Variants in PGD observed in about 807,000 individuals in gnomAD.
PGD encodes 6-phosphogluconate dehydrogenase, decarboxylating.
PGD carries 21 observed loss-of-function variants against 60.4 expected under a neutral mutation model. The observed-to-expected ratio is 0.35, with a 90% confidence interval of 0.25 to 0.50. The LOEUF (loss-of-function observed/expected upper bound fraction) is 0.50. Among genes scored for constraint, PGD ranks in the 20% least tolerant of loss-of-function variants. The pLI, the probability that PGD is intolerant of heterozygous loss-of-function variation, is 0.98. For synonymous variants in PGD, 230 were observed against 235.9 expected (o/e 0.97, Z 0.23); for missense variants, 477 against 613.1 (o/e 0.78, Z 2.34).
Position 10,417,454 on chromosome 1 carries a change from A to C in PGD, c.1054A>C (p.Thr352Pro), listed in dbSNP as rs772090697. The C allele has an allele frequency of 1.2e-6, 2 of 1,613,890 alleles. No homozygotes were observed. The highest frequency in any genetic ancestry group is 1.7e-6 in the Non-Finnish European group (2 of 1,179,916). ...LRQAATEFGW[T>P]LNYGGIALMW... ...GCAGGCAGCCACCGAGTTTGGCTGG[A>C]CTCTCAATTATGGTGGCATCGCCCT... Residue 352 changes from threonine to proline, a missense_variant, in exon 10 of 13, where the codon ACT (threonine) becomes CCT (proline). Physicochemically the swap from Thr to Pro is conservative, Grantham distance 38 (BLOSUM62 -1). This residue lies in a region of PGD where 431 missense variants were observed against 556.6 expected (regional missense o/e 0.77). Transcript: ENST00000270776.
rs1557767675 is a variant in PGD at position 10,419,942 on chromosome 1, C to G, written c.*193C>G. On this transcript the variant is annotated 3_prime_UTR_variant, in exon 13 of 13. Coordinates refer to ENST00000270776, the MANE Select transcript of PGD (RefSeq NM_002631.4). Reference sequence around the variant, plus strand: ...GCCACCATGCCCTCTGCCCTTGCCTCTTGGGACTGACCAGGAGCTGCTCAT... The same window carrying G: ...GCCACCATGCCCTCTGCCCTTGCCTGTTGGGACTGACCAGGAGCTGCTCAT... The G allele has an allele frequency of 1.6e-6, 1 of 625,450 alleles. No individual in the cohort carries two copies. 38.7% of individuals were successfully genotyped at this position (625,450 alleles called of 1,614,324 possible).
At position 10,408,671 on chromosome 1, in the gene PGD, C is replaced by T. The variant is rs558867056; in HGVS notation, c.519+531C>T. Among the ~76,000 whole-genome samples, 10 of 152,314 alleles carry T rather than the reference C, an allele frequency of 6.6e-5. No individual in the cohort carries two copies. In the South Asian group the frequency reaches 1.9e-3, roughly 28 times the overall value. On this transcript the variant is annotated intron_variant, in intron 6 of 12. Transcript: ENST00000270776. ...TAACCTAGTTCATAGTACAGTGGTG[C>T]GATCTTGGCTCACCGCAACCTCCAC...
In PGD at chr1:10,399,069, A is replaced by C; in HGVS notation, c.-49A>C. The C allele has an allele frequency of 3.1e-6, 5 of 1,607,592 alleles. No individual in the cohort carries two copies. In the South Asian group the frequency reaches 4.4e-5, roughly 14 times the overall value. On this transcript the variant is annotated 5_prime_UTR_variant, in exon 1 of 13. Transcript: ENST00000270776. ...GGGAGCCGCTGCGGGTCTTTCCCTC[A>C]CTCGTCCTCCGCGCGTCGCCGCTCT...
intron 8 of PGD, chr1:10,415,216 C>T (rs1302683152): frequency 6.6e-6 from 1 of 152,192 alleles, no homozygotes; most frequent in Non-Finnish European, 1.5e-5. Context: ...CATTGTGCCT[C>T]GCCCTATTGA....
In PGD at chr1:10,399,066, C is replaced by T. The variant is rs1250559145; in HGVS notation, c.-52C>T. 11 of 1,608,028 alleles carry T rather than the reference C, an allele frequency of 6.8e-6. No homozygotes were observed. The highest frequency in any genetic ancestry group is 8.5e-6 in the Non-Finnish European group (10 of 1,179,414). On this transcript the variant is annotated 5_prime_UTR_variant, in exon 1 of 13. Coordinates refer to ENST00000270776, the MANE Select transcript of PGD (RefSeq NM_002631.4). ...GGAGGGAGCCGCTGCGGGTCTTTCC[C>T]TCACTCGTCCTCCGCGCGTCGCCGC...
At chr1:10,406,778 C>CAGCG (rs1233674844) in intron 5 of PGD, among the ~76,000 whole-genome samples, 1 of 152,178 alleles carries the variant, frequency 6.6e-6, no homozygotes, top group Admixed American at 6.5e-5. Context: ...AAGGAATGAA[C>CAGCG]AGCGGCCTTT....
At position 10,413,143 on chromosome 1, in the gene PGD, G is replaced by A. The variant is rs2229688; in HGVS notation, c.736G>A (p.Asp246Asn). Residue 246 changes from aspartate (D) to asparagine (N), a missense_variant, in exon 8 of 13, where the codon GAT becomes AAT. Physicochemically the swap from Asp to Asn is conservative, Grantham distance 23 (BLOSUM62 1). Coordinates refer to ENST00000270776, the MANE Select transcript of PGD (RefSeq NM_002631.4). ...CAATATTCTCAAGTTCCAAGACACC[G>A]ATGGCAAACACCTGCTGCCAAAGAT... The part of the protein sequence containing the change: ...TANILKFQDT[D>N]GKHLLPKIRD... 41,288 of 1,613,848 alleles carry A rather than the reference G, an allele frequency of 0.026. 731 individuals carry two copies. The highest frequency in any genetic ancestry group is 0.084 in the Middle Eastern group (509 of 6,060).
In PGD at chr1:10,399,641, G is replaced by A; in HGVS notation, c.21G>A (p.Ala7=). Residue 7 remains alanine, a synonymous_variant, in exon 2 of 13, where the codon GCG becomes GCA. Coordinates refer to ENST00000270776, the MANE Select transcript of PGD (RefSeq NM_002631.4). Reference sequence around the variant, plus strand: ...TCTGCCTCTCTAGAGCTGACATCGCGCTGATCGGATTGGCCGTCATGGGCC... The same window carrying A: ...TCTGCCTCTCTAGAGCTGACATCGCACTGATCGGATTGGCCGTCATGGGCC... MAQADI[A]LIGLAVMGQN... is the part of the protein sequence containing the mutation. 6.2e-7 allele frequency: 1 copy of A among 1,613,880 alleles called. No individual in the cohort carries two copies. The highest frequency in any genetic ancestry group is 8.5e-7 in the Non-Finnish European group (1 of 1,179,952).
At chr1:10,409,512 C>G (rs1393563574) in intron 6 of PGD, among the ~76,000 whole-genome samples, 1 of 151,966 alleles carries the variant, frequency 6.6e-6, no homozygotes, top group Non-Finnish European at 1.5e-5. Flanking sequence ...TTGGGAGGAT[C>G]CCTTGAGCCC....
rs191798023 is a variant in PGD, at chr1:10,403,914, A to G, written c.331-247A>G. ...TTGGCTTAATTATTTTACTTTGGGG[A>G]TGAGGTAGGTATCGTGAATGTCCAT... On this transcript the variant is annotated intron_variant, in intron 4 of 12. Coordinates refer to ENST00000270776, the MANE Select transcript of PGD (RefSeq NM_002631.4). 1.4e-3 allele frequency among the ~76,000 whole-genome samples: 209 copies of G among 152,236 alleles called. 1 individual carries two copies. Among genetic ancestry groups the G allele is most frequent in the Admixed American group, 2.2e-3 (34 of 15,282 alleles).
chr1:10,417,569 G>T, intron 10 of PGD, 60 bp downstream of exon 10: 2 of 1,534,352 alleles, frequency 1.3e-6, no homozygotes, highest in South Asian at 1.2e-5. Flanking sequence ...GCAGAAGTGC[G>T]ATCTTAGGAC....
At chr1:10,414,400 T>A (rs58014725) in intron 8 of PGD, among the ~76,000 whole-genome samples, 83,732 of 151,660 alleles carry the variant, frequency 0.55, 24,289 homozygotes, top group African/African-American at 0.74. Context: ...TTTGAGACGG[T>A]GTTGTGCTCT....
At chr1:10,417,196 T>G (rs1262469062) in intron 9 of PGD, 79 bp downstream of exon 9, 2 of 1,536,418 alleles carry the variant, frequency 1.3e-6, no homozygotes, top group African/African-American at 2.7e-5. Context: ...GGGAGAACAC[T>G]CGAGGCCACA....
chr1:10,415,089 T>TAA lies in PGD; in HGVS notation c.844+1850_844+1851dup, dbSNP rs34918542. On this transcript the variant is annotated intron_variant, in intron 8 of 12. Transcript: ENST00000270776. ...CTGGGCGACCGAGCAAGACTCCGCC[T>TAA]AAAAAAAAAAAAAGAAGCATCTCAA... Among the ~76,000 whole-genome samples, 328 of 142,280 alleles carry TAA rather than the reference T, an allele frequency of 2.3e-3. 3 individuals are homozygous for TAA. Among genetic ancestry groups the TAA allele is most frequent in the African/African-American group, 7.6e-3 (291 of 38,392 alleles). 93.3% of individuals were successfully genotyped at this position (142,280 alleles called of 152,430 possible). A position where few individuals can be genotyped will look rare whatever the true frequency, so the allele number is the denominator to read the frequency against.
chr1:10,409,581 GA>G (rs1639463313), intron 6 of PGD, among the ~76,000 whole-genome samples: 2 of 150,076 alleles, frequency 1.3e-5, no homozygotes, highest in Non-Finnish European at 3.0e-5. Context: ...CTGGGTAACA[GA>G]GAGAGACCCT....
chr1:10,406,089 G>A (rs932001404), intron 5 of PGD, among the ~76,000 whole-genome samples: 1 of 152,104 alleles, frequency 6.6e-6, no homozygotes, highest in African/African-American at 2.4e-5. Flanking sequence ...CCCTGATCTC[G>A]TGATCTGCCT....
chr1:10,399,263 C>T, intron 1 of PGD, 138 bp downstream of exon 1: 1 of 1,012,690 alleles, frequency 9.9e-7, no homozygotes, highest in Non-Finnish European at 1.4e-6. Flanking sequence ...GTGACCCTGG[C>T]CCTACGGCGT....
intron 7 of PGD, among the ~76,000 whole-genome samples, chr1:10,411,778 C>T (rs77650979): frequency 0.017 from 2,579 of 152,292 alleles, 64 homozygotes; most frequent in African/African-American, 0.057. Flanking sequence ...CACCATTTAG[C>T]GTAGCTTACC....
intron 5 of PGD, among the ~76,000 whole-genome samples, chr1:10,405,155 A>G (rs1418070494): frequency 6.6e-6 from 1 of 151,588 alleles, no homozygotes; most frequent in Non-Finnish European, 1.5e-5. Flanking sequence ...CAGGCAGATC[A>G]CCAGGTCAGG....
Sources: allele counts gnomAD v4.1 joint callset (sites outside exome capture counted in the v4.1 genomes callset), GRCh38; gene constraint gnomAD v4.1.1; regional missense constraint gnomAD v4.1.1; transcripts MANE v1.5; gene names NCBI Gene and HGNC (gene_info 2026-07-23, HGNC 2026-07-21).